Variants in KCNQ5 observed in about 807,000 individuals in gnomAD.
KCNQ5 encodes the protein potassium voltage-gated channel subfamily Q member 5.
KCNQ5 carries 30 observed loss-of-function variants against 98.2 expected under a neutral mutation model. The observed-to-expected ratio is 0.31, with a 90% CI of 0.23 to 0.41. The LOEUF (loss-of-function observed/expected upper bound fraction) is 0.41. Among genes scored for constraint, KCNQ5 ranks in the 10% least tolerant of loss-of-function variants. KCNQ5 has a pLI of 1.00. For missense variants in KCNQ5, 835 were observed against 1,182.5 expected, an observed-to-expected ratio of 0.71 and a Z score of 4.31; for synonymous variants, 458 against 449.4, an observed-to-expected ratio of 1.02 and a Z score of -0.24.
chr6:72,971,040 A>T (rs1328937922), intron 1 of KCNQ5, among the ~76,000 whole-genome samples: 1 of 152,240 alleles, frequency 6.6e-6, no homozygotes, highest in Non-Finnish European at 1.5e-5. Context: ...AGCAAAAGAA[A>T]CTACCATCAG....
chr6:73,051,094 G>A lies in KCNQ5; in HGVS notation c.616+9032G>A, dbSNP rs1772212998. 2.0e-5 allele frequency among the ~76,000 whole-genome samples: 3 copies of A among 152,306 alleles called. No homozygotes were observed. The South Asian group carries it at 6.2e-4, about 32-fold the overall frequency. ...GTTTTTATTTCTCTAGGGTCATATA[G>A]TGCTAGTTCACCTTTATCAGAAACT... On this transcript the variant is annotated intron_variant, in intron 3 of 13. Transcript: ENST00000370398.
At chr6:72,659,915 A>C (rs1250417831) in intron 1 of KCNQ5, among the ~76,000 whole-genome samples, 1 of 152,152 alleles carries the variant, frequency 6.6e-6, no homozygotes, top group Non-Finnish European at 1.5e-5. Flanking sequence ...CCTTCATGAT[A>C]TCTCTATAGC....
chr6:73,136,247 G>A (rs746345711), intron 10 of KCNQ5: 1 of 152,160 alleles, frequency 6.6e-6, no homozygotes, highest in Non-Finnish European at 1.5e-5. Flanking sequence ...TGTAGTGTAA[G>A]GTCCTTACTG....
intron 1 of KCNQ5, among the ~76,000 whole-genome samples, chr6:72,844,315 A>T (rs1776932334): frequency 6.6e-6 from 1 of 152,190 alleles, no homozygotes; most frequent in Non-Finnish European, 1.5e-5. Flanking sequence ...TGCTACAAAG[A>T]TGCAAGGCAT....
chr6:72,673,967 T>C (rs1247972534), intron 1 of KCNQ5, among the ~76,000 whole-genome samples: 1 of 152,210 alleles, frequency 6.6e-6, no homozygotes, highest in African/African-American at 2.4e-5. Flanking sequence ...GTGAATCAAC[T>C]TTTTTATTTC....
chr6:72,952,515 A>C (rs533646485), intron 1 of KCNQ5, among the ~76,000 whole-genome samples: 1 of 152,324 alleles, frequency 6.6e-6, no homozygotes, highest in South Asian at 2.1e-4. Flanking sequence ...GAAGCACCCC[A>C]AAATTTTAGA....
chr6:72,632,490 G>A (rs953872886), intron 1 of KCNQ5, among the ~76,000 whole-genome samples: 5 of 151,956 alleles, frequency 3.3e-5, no homozygotes, highest in Admixed American at 3.3e-4. Flanking sequence ...AGAGACGGGG[G>A]TACTTGTGCA....
In KCNQ5 at chr6:73,126,180, A is replaced by C. The variant is rs1012278104; in HGVS notation, c.1247+1668A>C. Among the ~76,000 whole-genome samples the C allele has an allele frequency of 7.9e-5, 12 of 152,212 alleles. 1 individual carries two copies. The highest frequency in any genetic ancestry group is 5.2e-4 in the Admixed American group (8 of 15,268). The stretch of plus-strand genomic sequence containing the variant: ...GCTTTCCATTTACTAATTATCTCAA[A>C]GGGTGATCTGCCTCCAAATCCAAAG... On this transcript the variant is annotated intron_variant, in intron 9 of 13. Coordinates refer to ENST00000370398, the MANE Select transcript of KCNQ5 (RefSeq NM_019842.4).
At chr6:72,933,032 G>C (rs1463592560) in intron 1 of KCNQ5, among the ~76,000 whole-genome samples, 3 of 152,054 alleles carry the variant, frequency 2.0e-5, no homozygotes, top group African/African-American at 7.2e-5. Flanking sequence ...CTTTAAAACA[G>C]GTTTGAACAT....
intron 2 of KCNQ5, among the ~76,000 whole-genome samples, chr6:73,037,335 A>C (rs1377126342): frequency 6.6e-6 from 1 of 152,110 alleles, no homozygotes; most frequent in African/African-American, 2.4e-5. Context: ...CATCCTTAGT[A>C]CCTGGGCTCT....
At chr6:72,827,343 G>C (rs1935520) in intron 1 of KCNQ5, among the ~76,000 whole-genome samples, 116,057 of 152,010 alleles carry the variant, frequency 0.76, 44,833 homozygotes, top group African/African-American at 0.9. Flanking sequence ...TTCCCAACAA[G>C]AGGTATAATA....
intron 1 of KCNQ5, among the ~76,000 whole-genome samples, chr6:72,920,026 G>A (rs1476131479): frequency 6.6e-6 from 1 of 152,164 alleles, no homozygotes; most frequent in Non-Finnish European, 1.5e-5. Flanking sequence ...GTGGGGCCAG[G>A]CACAGTGGCT....
Position 73,195,047 on chromosome 6 carries a change from G to A in KCNQ5, c.2432G>A (p.Gly811Glu). The A allele has an allele frequency of 1.9e-6, 3 of 1,614,170 alleles. No individual in the cohort carries two copies. Among genetic ancestry groups the A allele is most frequent in the African/African-American group, 1.3e-5 (1 of 75,034 alleles). Residue 811 changes from glycine to glutamate, a missense_variant, in exon 14 of 14, where the codon GGA becomes GAA. This residue lies in a region of KCNQ5 where 416 missense variants were observed against 446.9 expected (regional missense o/e 0.93). Transcript: ENST00000370398. Reference protein sequence around the residue: ...DRSMRKSFDMGGETLLSVCPM... With the variant: ...DRSMRKSFDMEGETLLSVCPM... ...TCTATGAGGAAAAGCTTTGACATGG[G>A]AGGAGAAACTCTGTTGTCTGTCTGT...
chr6:72,772,010 T>C (rs1772920381), intron 1 of KCNQ5, among the ~76,000 whole-genome samples: 1 of 152,150 alleles, frequency 6.6e-6, no homozygotes, highest in Non-Finnish European at 1.5e-5. Context: ...ACATGATTCA[T>C]AACCCTAAAA....
intron 13 of KCNQ5, among the ~76,000 whole-genome samples, chr6:73,192,947 G>T (rs117692920): frequency 1.3e-5 from 2 of 150,356 alleles, no homozygotes; most frequent in South Asian, 4.2e-4. Context: ...GTTGAAAATC[G>T]TTTAAAAATA....
At chr6:72,687,451 G>C (rs941887033) in intron 1 of KCNQ5, among the ~76,000 whole-genome samples, 1 of 152,158 alleles carries the variant, frequency 6.6e-6, no homozygotes, top group Non-Finnish European at 1.5e-5. Context: ...AGAACCGTAG[G>C]CCCTGCCTTC....
chr6:73,121,506 C>T (rs953897300), intron 8 of KCNQ5, among the ~76,000 whole-genome samples: 21 of 152,162 alleles, frequency 1.4e-4, no homozygotes, highest in African/African-American at 4.8e-4. Flanking sequence ...GCTTGATTAG[C>T]GTAGTCAGTT....
chr6:72,662,335 T>A (rs554745882), intron 1 of KCNQ5, among the ~76,000 whole-genome samples: 1 of 152,248 alleles, frequency 6.6e-6, no homozygotes, highest in African/African-American at 2.4e-5. Context: ...ATAAATAAAA[T>A]TTTGTACTTT....
chr6:73,136,945 T>C (rs1158431004), intron 10 of KCNQ5, among the ~76,000 whole-genome samples: 2 of 152,198 alleles, frequency 1.3e-5, no homozygotes, highest in Non-Finnish European at 2.9e-5. Context: ...TCCTCTGCTC[T>C]CCTCACATAT....
Sources: gnomAD v4.1 joint callset for allele counts (sites outside exome capture counted in the v4.1 genomes callset) on GRCh38, gnomAD v4.1.1 for gene constraint, gnomAD v4.1.1 regional missense constraint, MANE v1.5 for transcripts, NCBI Gene and HGNC (gene_info 2026-07-23, HGNC 2026-07-21) for gene names.